MROH7: variants seen among roughly 807,000 people sequenced by gnomAD.
MROH7 encodes maestro heat-like repeat-containing protein family member 7.
A neutral mutation model predicts 129.2 loss-of-function variants in MROH7; 113 were observed. The observed-to-expected ratio is 0.87, with a 90% CI of 0.75 to 1.02. The LOEUF (loss-of-function observed/expected upper bound fraction) is 1.02, where lower values mean the gene tolerates loss of function less well. MROH7 is among the 50% of genes least tolerant of loss of function. The pLI, the probability that MROH7 is intolerant of heterozygous loss-of-function variation, is 0.00. For missense variants in MROH7, 1,601 were observed against 1,671.3 expected (o/e 0.96, Z 0.73); for synonymous variants, 655 against 667.9 (o/e 0.98, Z 0.30).
intron 10 of MROH7, among the ~76,000 whole-genome samples, chr1:54,677,618 C>T (rs938584251): frequency 1.3e-5 from 2 of 152,168 alleles, no homozygotes; most frequent in Admixed American, 1.3e-4. Flanking sequence ...CTCTCCTTTA[C>T]AAACAGCACA....
rs753310419 is a variant in MROH7, at chr1:54,692,485, T to C, written c.2773T>C (p.Phe925Leu). The change falls in exon 16 of 24, where the codon TTT becomes CTT. Residue 925 changes from phenylalanine (F) to leucine (L), a missense_variant. By Grantham distance (22) the Phe-to-Leu change is conservative (BLOSUM62 0). Transcript: ENST00000421030. ...LRMGCSYETT[F>L]LEDQGGWELM... ...GATGGGCTGCTCTTATGAGACCACG[T>C]TTCTGGAGGACCAGGGTGGCTGGGA... 5 of 1,614,060 alleles carry C rather than the reference T, an allele frequency of 3.1e-6. No homozygotes were observed. In the South Asian group the frequency reaches 5.5e-5, roughly 18 times the overall value.
intron 15 of MROH7, among the ~76,000 whole-genome samples, chr1:54,688,423 G>A (rs748763333): frequency 4.6e-5 from 7 of 151,872 alleles, no homozygotes; most frequent in South Asian, 2.1e-4. Context: ...TCTGTGACTC[G>A]TATTGTTATG....
chr1:54,670,838 A>T lies in MROH7; in HGVS notation c.1508A>T (p.Glu503Val). 1 of 1,614,008 alleles carries T rather than the reference A, an allele frequency of 6.2e-7. No individual in the cohort carries two copies. Among genetic ancestry groups the T allele is most frequent in the South Asian group, 1.1e-5 (1 of 91,054 alleles). The stretch of plus-strand genomic sequence containing the variant: ...ACCCTGGGCATGCGGGAGAGGTCGG[A>T]GCTGGTGAACGTGTGTGTGCACAGC... ...QPTLGMRERSELVNVCVHSVF... is the reference protein window; with the variant it reads ...QPTLGMRERSVLVNVCVHSVF... The change falls in exon 7 of 24, where the codon GAG (glutamate) becomes GTG (valine). Residue 503 changes from glutamate (E) to valine (V), a missense_variant. Transcript: ENST00000421030.
intron 15 of MROH7, among the ~76,000 whole-genome samples, chr1:54,691,071 A>G (rs763319834): frequency 6.6e-5 from 10 of 152,212 alleles, no homozygotes; most frequent in Non-Finnish European, 1.5e-4. Flanking sequence ...CAGCTTAGCC[A>G]TTCAGCCAGT....
chr1:54,662,271 C>T (rs751526771), intron 3 of MROH7, among the ~76,000 whole-genome samples: 3 of 151,076 alleles, frequency 2.0e-5, no homozygotes, highest in Admixed American at 6.6e-5. Context: ...TGTGGTGGCT[C>T]ATGCCTGTAA....
rs551741411 is a variant in MROH7 at position 54,655,101 on chromosome 1, G to A, written c.1231+944G>A. On this transcript the variant is annotated intron_variant, in intron 3 of 23. Transcript: ENST00000421030. The stretch of plus-strand genomic sequence containing the variant: ...TTGATCTTGGCTCACTGTAACCTCT[G>A]CCTCCTGGGTTCAAGTGATTCTCCT... 6.8e-5 allele frequency among the ~76,000 whole-genome samples: 10 copies of A among 147,614 alleles called. No homozygotes were observed. The South Asian group carries it at 2.2e-3, about 32-fold the overall frequency.
rs1425881394 is a variant in MROH7, at chr1:54,653,039, A to C, written c.113A>C (p.His38Pro). 2 of 1,613,846 alleles carry C rather than the reference A, an allele frequency of 1.2e-6. No individual in the cohort carries two copies. Among genetic ancestry groups the C allele is most frequent in the East Asian group, 4.5e-5 (2 of 44,890 alleles). The change falls in exon 3 of 24, where the codon CAC (histidine) becomes CCC (proline). Residue 38 changes from histidine (H) to proline (P), a missense_variant. By Grantham distance (77) the His-to-Pro change is moderately conservative. Transcript: ENST00000421030. ...GLGSGTIPQP[H>P]PDMAQVPMLN... The stretch of plus-strand genomic sequence containing the variant: ...GGGTCTGGTACCATCCCTCAGCCCC[A>C]CCCAGACATGGCTCAGGTGCCTATG...
In MROH7 at chr1:54,691,632, C is replaced by T. The variant is rs1645237870; in HGVS notation, c.2712-792C>T. On this transcript the variant is annotated intron_variant, in intron 15 of 23. Coordinates refer to ENST00000421030, the MANE Select transcript of MROH7 (RefSeq NM_001039464.4). ...ACCAGCCTGGCCAACATGGAGAAAC[C>T]CCGTCTCTACTAAAAATACAAAAAT... Among the ~76,000 whole-genome samples the T allele has an allele frequency of 2.0e-5, 3 of 151,882 alleles. No homozygotes were observed. In the South Asian group the frequency reaches 6.2e-4, roughly 32 times the overall value.
At chr1:54,667,998 GTTT>G (rs1256957227) in intron 4 of MROH7, among the ~76,000 whole-genome samples, 1 of 152,208 alleles carries the variant, frequency 6.6e-6, no homozygotes, top group Non-Finnish European at 1.5e-5. Flanking sequence ...TTAGCTGGGT[GTTT>G]CTTCTGCTCC....
intron 4 of MROH7, among the ~76,000 whole-genome samples, chr1:54,667,524 C>G (rs979237830): frequency 6.6e-6 from 1 of 151,100 alleles, no homozygotes; most frequent in Non-Finnish European, 1.5e-5. Context: ...GGTGTGATCT[C>G]GGCTCACTGC....
chr1:54,647,230 A>C (rs1644481135), intron 1 of MROH7, among the ~76,000 whole-genome samples: 1 of 152,126 alleles, frequency 6.6e-6, no homozygotes, highest in African/African-American at 2.4e-5. Context: ...ATGAAGGTTT[A>C]CTCCTATGTT....
intron 22 of MROH7, 47 bp from the exon 23 acceptor site, chr1:54,708,967 G>GGGGGCC: frequency 2.3e-6 from 3 of 1,329,296 alleles, no homozygotes; most frequent in African/African-American, 1.5e-5. Flanking sequence ...TTGGGGTGGG[G>GGGGGCC]TCGACGTCGG....
At chr1:54,648,068 G>C (rs980554764) in intron 1 of MROH7, among the ~76,000 whole-genome samples, 2 of 151,818 alleles carry the variant, frequency 1.3e-5, no homozygotes, top group Non-Finnish European at 2.9e-5. Context: ...TATTATTTTT[G>C]AGATAGAGTC....
At chr1:54,680,397 AAGG>A (rs1218305273) in intron 13 of MROH7, among the ~76,000 whole-genome samples, 1 of 152,310 alleles carries the variant, frequency 6.6e-6, no homozygotes, top group African/African-American at 2.4e-5. Flanking sequence ...ATGCCATTGA[AAGG>A]AGGTCTGCGT....
intron 21 of MROH7, 106 bp downstream of exon 21, chr1:54,702,851 C>T: frequency 7.3e-7 from 1 of 1,371,496 alleles, no homozygotes; most frequent in Non-Finnish European, 9.9e-7. Flanking sequence ...ATTTCCATGA[C>T]CAACTACAAG....
At chr1:54,683,680 T>C (rs370201695) in intron 14 of MROH7, among the ~76,000 whole-genome samples, 9 of 152,302 alleles carry the variant, frequency 5.9e-5, no homozygotes, top group Admixed American at 5.2e-4. Context: ...TCCATGGTCC[T>C]CCTGCTTGCT....
In MROH7 at chr1:54,654,064, A is replaced by G. The variant is rs1189169195; in HGVS notation, c.1138A>G (p.Met380Val). The G allele has an allele frequency of 6.2e-7, 1 of 1,614,162 alleles. No homozygotes were observed. Among genetic ancestry groups the G allele is most frequent in the Admixed American group, 1.7e-5 (1 of 60,016 alleles). Residue 380 changes from methionine (M) to valine (V), a missense_variant, in exon 3 of 24, where the codon ATG becomes GTG. Coordinates refer to ENST00000421030, the MANE Select transcript of MROH7 (RefSeq NM_001039464.4). The stretch of plus-strand genomic sequence containing the variant: ...GGAGAATCTGGAGAGTTGGAGTGAG[A>G]TGGCCAGCATTAAGGTGGGCCAGTT... ...LEENLESWSE[M>V]ASIKVGQFPL... is the part of the protein sequence containing the mutation.
intron 16 of MROH7, among the ~76,000 whole-genome samples, chr1:54,695,096 T>A (rs1645299486): frequency 6.6e-6 from 1 of 152,200 alleles, no homozygotes; most frequent in Admixed American, 6.5e-5. Context: ...CCTGACGTGG[T>A]CCTGTGCAGC....
chr1:54,672,778 A>G (rs1644921299), intron 7 of MROH7, among the ~76,000 whole-genome samples: 1 of 152,266 alleles, frequency 6.6e-6, no homozygotes, highest in South Asian at 2.1e-4. Flanking sequence ...CAATTTGTGG[A>G]CAAGGTGGCA....
Sources: gnomAD v4.1 joint callset for allele counts (sites outside exome capture counted in the v4.1 genomes callset) on GRCh38, gnomAD v4.1.1 for gene constraint, MANE v1.5 for transcripts, NCBI Gene and HGNC (gene_info 2026-07-23, HGNC 2026-07-21) for gene names.